The following LRRIQ1 variants were observed in gnomAD, a reference collection of about 807,000 sequenced individuals.
The protein encoded by LRRIQ1 is leucine rich repeats and IQ motif containing 1, also known as leucine-rich repeat- and IQ domain-containing protein 1.
A neutral mutation model predicts 211.9 loss-of-function variants in LRRIQ1; 210 were observed. The observed-to-expected ratio is 0.99, with a 90% confidence interval of 0.89 to 1.11. The LOEUF (loss-of-function observed/expected upper bound fraction) is 1.11. LRRIQ1 is among the 50% of genes most tolerant of loss of function. The probability of loss-of-function intolerance (pLI) is 0.00; values close to 1 mark genes in which losing one functional copy is unlikely to be tolerated. For synonymous variants in LRRIQ1, 699 were observed against 650.1 expected, an observed-to-expected ratio of 1.08 and a Z score of -1.14; for missense variants, 2,136 against 1,939.5, an observed-to-expected ratio of 1.10 and a Z score of -1.90.
chr12:85,252,001 A>C (rs1428346857), intron 1 of LRRIQ1, among the ~76,000 whole-genome samples: 1 of 151,984 alleles, frequency 6.6e-6, no homozygotes, highest in African/African-American at 2.4e-5. Flanking sequence ...AACATTGTTT[A>C]AATGGTCTCT....
At chr12:85,261,919 T>C (rs1487569135) in intron 1 of LRRIQ1, among the ~76,000 whole-genome samples, 1 of 151,944 alleles carries the variant, frequency 6.6e-6, no homozygotes, top group African/African-American at 2.4e-5. Context: ...GCCTTCCGAG[T>C]AGCTGGGATT....
rs989044504 is a variant in LRRIQ1 at position 85,044,600 on chromosome 12, C to T, written c.245-118C>T. Reference sequence around the variant, plus strand: ...TTTCTGTTATTCTGAGTTACTCTTACTGATCAACAATATACCCTGATAGAA... The same window carrying T: ...TTTCTGTTATTCTGAGTTACTCTTATTGATCAACAATATACCCTGATAGAA... On this transcript the variant is annotated intron_variant, in intron 3 of 26. Transcript: ENST00000393217. The T allele has an allele frequency of 7.4e-5, 32 of 431,114 alleles. No homozygotes were observed. In the Middle Eastern group the frequency reaches 9.7e-4, roughly 13 times the overall value. The allele number at this position is 431,114 out of a possible 1,614,324, so 26.7% of individuals were successfully genotyped here.
chr12:85,220,359 A>G (rs1481915251), intron 24 of LRRIQ1, among the ~76,000 whole-genome samples: 2 of 152,056 alleles, frequency 1.3e-5, no homozygotes, highest in Non-Finnish European at 2.9e-5. Flanking sequence ...TTGAATCTTA[A>G]TCTCCCTCAC....
intron 25 of LRRIQ1, among the ~76,000 whole-genome samples, chr12:85,230,720 CA>C (rs1159023668): frequency 2.6e-5 from 4 of 152,246 alleles, no homozygotes; most frequent in Non-Finnish European, 4.4e-5. Context: ...CATATATCCA[CA>C]AAGGAGTAAA....
intron 24 of LRRIQ1, among the ~76,000 whole-genome samples, chr12:85,201,075 C>A (rs1438624979): frequency 2.0e-5 from 3 of 151,974 alleles, no homozygotes; most frequent in Non-Finnish European, 4.4e-5. Flanking sequence ...AAATGATTCA[C>A]CCGCCTCTGC....
intron 1 of LRRIQ1, among the ~76,000 whole-genome samples, chr12:85,251,420 G>A (rs1388855918): frequency 2.0e-5 from 3 of 151,930 alleles, no homozygotes; most frequent in African/African-American, 4.8e-5. Context: ...GAGGTAAAGA[G>A]TAGTAAAAGA....
intron 24 of LRRIQ1, among the ~76,000 whole-genome samples, chr12:85,229,133 TAA>T (rs2137177077): frequency 6.6e-6 from 1 of 152,246 alleles, no homozygotes; most frequent in South Asian, 2.1e-4. Flanking sequence ...TCCATATGGA[TAA>T]GAGTGGTATA....
chr12:85,205,326 C>T (rs1167275481), intron 24 of LRRIQ1, among the ~76,000 whole-genome samples: 1 of 152,162 alleles, frequency 6.6e-6, no homozygotes, highest in African/African-American at 2.4e-5. Context: ...ATTTGCTTGT[C>T]TGAAAAATAT....
Position 85,074,413 on chromosome 12 carries a change from A to G in LRRIQ1, c.2887+1315A>G, listed in dbSNP as rs562829529. Among the ~76,000 whole-genome samples, 4 of 152,158 alleles carry G rather than the reference A, an allele frequency of 2.6e-5. No individual in the cohort carries two copies. The South Asian group carries it at 6.2e-4, about 24-fold the overall frequency. ...TCATATCATGGAAAATGGGGTATCT[A>G]TCCCCTCAAAGATTTATCCTTTGTT... On this transcript the variant is annotated intron_variant, in intron 11 of 26. Transcript: ENST00000393217.
At chr12:85,134,923 T>C (rs1485812791) in intron 18 of LRRIQ1, among the ~76,000 whole-genome samples, 1 of 152,006 alleles carries the variant, frequency 6.6e-6, no homozygotes, top group Non-Finnish European at 1.5e-5. Flanking sequence ...TTCATAAATA[T>C]TTTAGCATGA....
intron 26 of LRRIQ1, among the ~76,000 whole-genome samples, chr12:85,237,766 CA>C (rs150103326): frequency 0.013 from 1,993 of 152,100 alleles, 26 homozygotes; most frequent in Admixed American, 0.038. Context: ...AGTTAATCAA[CA>C]AATAAATCAA....
intron 9 of LRRIQ1, 133 bp downstream of exon 9, chr12:85,065,547 G>A: frequency 1.6e-6 from 1 of 642,196 alleles, no homozygotes; most frequent in South Asian, 4.0e-5. Flanking sequence ...AAGAGATCAG[G>A]TGGTATGGTA....
rs766375722 is a variant in LRRIQ1 at position 85,047,244 on chromosome 12, C to A, written c.455-3C>A. 1.3e-6 allele frequency: 2 copies of A among 1,576,466 alleles called. No homozygotes were observed. Among genetic ancestry groups the A allele is most frequent in the South Asian group, 2.4e-5 (2 of 83,950 alleles). ...ATGATGTTATTTTTCTTCATGAGTG[C>A]AGATGATGCTGATATAAATTTTGGA... On this transcript the variant is annotated splice_polypyrimidine_tract_variant and splice_region_variant and intron_variant, in intron 5 of 26. Coordinates refer to ENST00000393217, the MANE Select transcript of LRRIQ1 (RefSeq NM_001079910.2).
chr12:85,250,651 G>C (rs1346022430), intron 1 of LRRIQ1, among the ~76,000 whole-genome samples: 1 of 148,468 alleles, frequency 6.7e-6, no homozygotes, highest in Non-Finnish European at 1.5e-5. Context: ...GAGGTAGGAG[G>C]ATCTATTGAG....
rs971769061 is a variant in LRRIQ1, at chr12:85,160,618, A to G, written c.4726A>G (p.Thr1576Ala). 4 of 1,597,134 alleles carry G rather than the reference A, an allele frequency of 2.5e-6. No homozygotes were observed. Among genetic ancestry groups the G allele is most frequent in the Non-Finnish European group, 1.7e-6 (2 of 1,166,032 alleles). The change falls in exon 24 of 27, where the codon ACT becomes GCT. Residue 1576 changes from threonine (T) to alanine (A), a missense_variant. Coordinates refer to ENST00000393217, the MANE Select transcript of LRRIQ1 (RefSeq NM_001079910.2). ...SKKLKKKIDS[T>A]VRLALFKNNE... Reference sequence around the variant, plus strand: ...TTCTTATTCGTTTTGTTTAGATTCCACTGTGCGTCTAGCCTTATTCAAAAA... The same window carrying G: ...TTCTTATTCGTTTTGTTTAGATTCCGCTGTGCGTCTAGCCTTATTCAAAAA...
rs117838546 is a variant in LRRIQ1, at chr12:85,239,713, C to T, written c.5017-5076C>T. ...ATTGAAGAGGCCTGGCATGGTGGCT[C>T]GCGCTTGTAATTTCAGCACTGTGGG... is the stretch of plus-strand genomic sequence containing the variant. On this transcript the variant is annotated intron_variant, in intron 26 of 26. Coordinates refer to ENST00000393217, the MANE Select transcript of LRRIQ1 (RefSeq NM_001079910.2). 8.5e-3 allele frequency among the ~76,000 whole-genome samples: 1,248 copies of T among 146,006 alleles called. 7 individuals carry two copies. The highest frequency in any genetic ancestry group is 0.012 in the Non-Finnish European group (795 of 67,956).
At chr12:85,112,375 T>C (rs982327098) in intron 15 of LRRIQ1, among the ~76,000 whole-genome samples, 3 of 151,554 alleles carry the variant, frequency 2.0e-5, no homozygotes, top group Admixed American at 6.6e-5. Flanking sequence ...AATGTATAAA[T>C]AGGCTATTTC....
intron 8 of LRRIQ1, among the ~76,000 whole-genome samples, chr12:85,061,070 A>G (rs1881738336): frequency 6.6e-6 from 1 of 151,884 alleles, no homozygotes; most frequent in African/African-American, 2.4e-5. Context: ...TCTTTATAAG[A>G]AAAAGGAAGT....
In LRRIQ1 at chr12:85,233,848, T is replaced by C. The variant is rs188476434; in HGVS notation, c.5016+1092T>C. Among the ~76,000 whole-genome samples, 370 of 152,268 alleles carry C rather than the reference T, an allele frequency of 2.4e-3. 3 individuals carry two copies. The highest frequency in any genetic ancestry group is 3.3e-3 in the Non-Finnish European group (223 of 68,016). On this transcript the variant is annotated intron_variant, in intron 26 of 26. Transcript: ENST00000393217. ...CCATTAACACTACACATATTATTGA[T>C]TAACACTTTGGCACAGATTGGTTAG...
Sources: gnomAD v4.1 joint callset for allele counts (sites outside exome capture counted in the v4.1 genomes callset) on GRCh38, gnomAD v4.1.1 for gene constraint, MANE v1.5 for transcripts, NCBI Gene and HGNC (gene_info 2026-07-23, HGNC 2026-07-21) for gene names.